ALOX5: variants seen among roughly 807,000 people sequenced by gnomAD.
ALOX5 encodes polyunsaturated fatty acid 5-lipoxygenase.
ALOX5 carries 64 observed loss-of-function variants against 87.9 expected under a neutral mutation model. The observed-to-expected ratio is 0.73, with a 90% CI of 0.60 to 0.90. ALOX5 has a LOEUF of 0.90. ALOX5 is among the 40% of genes least tolerant of loss of function. ALOX5 has a pLI of 0.00. For missense variants in ALOX5, 822 were observed against 907.5 expected (o/e 0.91, Z 1.21); for synonymous variants, 388 against 355.1 (o/e 1.09, Z -1.04).
intron 2 of ALOX5, among the ~76,000 whole-genome samples, chr10:45,385,575 A>G (rs527434798): frequency 1.3e-5 from 2 of 152,242 alleles, no homozygotes; most frequent in Non-Finnish European, 2.9e-5. Flanking sequence ...GTGAAACTGA[A>G]GAGATCCAGC....
intron 1 of ALOX5, among the ~76,000 whole-genome samples, chr10:45,378,528 T>A (rs1839709146): frequency 6.6e-6 from 1 of 152,254 alleles, no homozygotes; most frequent in South Asian, 2.1e-4. Context: ...GAATTTAATG[T>A]GTCACAGCAA....
At chr10:45,439,376 G>C (rs1842152832) in intron 7 of ALOX5, among the ~76,000 whole-genome samples, 1 of 152,180 alleles carries the variant, frequency 6.6e-6, no homozygotes, top group South Asian at 2.1e-4. Context: ...AGTGACACTG[G>C]TCTTTCCCAG....
intron 4 of ALOX5, among the ~76,000 whole-genome samples, chr10:45,415,324 C>CT (rs1342930181): frequency 3.3e-5 from 5 of 152,122 alleles, no homozygotes; most frequent in African/African-American, 4.8e-5. Context: ...TCTCAGCAAA[C>CT]TATCGCAAGG....
intron 2 of ALOX5, among the ~76,000 whole-genome samples, chr10:45,391,955 C>G (rs1840289356): frequency 6.6e-6 from 1 of 151,680 alleles, no homozygotes; most frequent in South Asian, 2.1e-4. Flanking sequence ...AGGAGCGTCT[C>G]CGCCCGGCAG....
intron 1 of ALOX5, among the ~76,000 whole-genome samples, chr10:45,378,481 G>GTTGAT (rs1344018710): frequency 1.3e-5 from 2 of 152,190 alleles, no homozygotes; most frequent in South Asian, 2.1e-4. Flanking sequence ...GGTGTCCACT[G>GTTGAT]TTGATAGTGC....
intron 4 of ALOX5, among the ~76,000 whole-genome samples, chr10:45,416,011 A>T (rs1841278178): frequency 6.6e-6 from 1 of 152,030 alleles, no homozygotes; most frequent in Non-Finnish European, 1.5e-5. Context: ...CCAACCCCAC[A>T]CCCACAGATG....
At chr10:45,384,202 G>A (rs914920170) in intron 2 of ALOX5, among the ~76,000 whole-genome samples, 4 of 152,170 alleles carry the variant, frequency 2.6e-5, no homozygotes, top group African/African-American at 9.7e-5. Context: ...TCAGTAGAAA[G>A]GTTCTGGGGA....
At chr10:45,441,246 T>A (rs750926065) in intron 8 of ALOX5, 98 bp from the exon 9 acceptor site, 163 of 1,033,778 alleles carry the variant, frequency 1.6e-4, no homozygotes, top group Non-Finnish European at 2.3e-4. Context: ...CCCAGCATCA[T>A]CCTATAGGGC....
chr10:45,440,968 A>G (rs1225452447), intron 8 of ALOX5, among the ~76,000 whole-genome samples: 3 of 152,110 alleles, frequency 2.0e-5, no homozygotes, highest in African/African-American at 4.8e-5. Context: ...CGAATCCTAC[A>G]AGCATTGGCT....
At chr10:45,443,238 G>A in intron 10 of ALOX5, 22 bp downstream of exon 10, 6 of 1,607,544 alleles carry the variant, frequency 3.7e-6, no homozygotes, top group Non-Finnish European at 5.1e-6. Context: ...CGGGGCGGTG[G>A]TCCTGGGGGA....
At position 45,395,948 on chromosome 10, in the gene ALOX5, C is replaced by A; in HGVS notation, c.431+12C>A. 6.2e-7 allele frequency: 1 copy of A among 1,613,662 alleles called. No homozygotes were observed. The highest frequency in any genetic ancestry group is 1.1e-5 in the South Asian group (1 of 91,068). ...CAAAAACAATATCGGTGAGTTATGA[C>A]ATCAGATCGAGTGGCCACGGGGCCA... On this transcript the variant is annotated intron_variant, in intron 3 of 13. Transcript: ENST00000374391.
intron 3 of ALOX5, among the ~76,000 whole-genome samples, chr10:45,406,186 T>C (rs918120623): frequency 1.3e-5 from 2 of 152,174 alleles, no homozygotes; most frequent in Non-Finnish European, 2.9e-5. Flanking sequence ...GCCTTCCTTT[T>C]AGGGGTTTGA....
At chr10:45,395,627 C>A (rs1840471384) in intron 2 of ALOX5, among the ~76,000 whole-genome samples, 1 of 151,210 alleles carries the variant, frequency 6.6e-6, no homozygotes, top group Non-Finnish European at 1.5e-5. Flanking sequence ...AAAGAAAATT[C>A]ACTAATTAGG....
chr10:45,382,407 G>A, intron 1 of ALOX5, 76 bp from the exon 2 acceptor site: 2 of 1,525,640 alleles, frequency 1.3e-6, no homozygotes, highest in Non-Finnish European at 9.1e-7. Flanking sequence ...ATACCTTGGG[G>A]TGACAAATTC....
intron 4 of ALOX5, among the ~76,000 whole-genome samples, chr10:45,417,638 A>C (rs1467922943): frequency 6.6e-6 from 1 of 152,214 alleles, no homozygotes; most frequent in Non-Finnish European, 1.5e-5. Context: ...CGCTCTAAAA[A>C]GTAAATATAA....
At chr10:45,428,482 G>A (rs1841805731) in intron 6 of ALOX5, 136 bp from the exon 7 acceptor site, 2 of 1,110,378 alleles carry the variant, frequency 1.8e-6, no homozygotes, top group Admixed American at 2.3e-5. Flanking sequence ...AGTCAGAGGA[G>A]AGAAGTACAC....
chr10:45,402,298 A>G (rs1411793794), intron 3 of ALOX5, among the ~76,000 whole-genome samples: 25 of 152,050 alleles, frequency 1.6e-4, no homozygotes, highest in Admixed American at 1.6e-3. Context: ...CAAGAACACA[A>G]TTGCCCCACC....
At chr10:45,403,308 A>G (rs983644671) in intron 3 of ALOX5, among the ~76,000 whole-genome samples, 2 of 152,254 alleles carry the variant, frequency 1.3e-5, no homozygotes, top group African/African-American at 2.4e-5. Context: ...TAACATGGAC[A>G]AACCTCACTG....
At chr10:45,376,235 T>C (rs1353949746) in intron 1 of ALOX5, among the ~76,000 whole-genome samples, 1 of 150,554 alleles carries the variant, frequency 6.6e-6, no homozygotes, top group Non-Finnish European at 1.5e-5. Flanking sequence ...AATGACATTA[T>C]AATTAAACAC....
Sources: allele counts gnomAD v4.1 joint callset (sites outside exome capture counted in the v4.1 genomes callset), GRCh38; gene constraint gnomAD v4.1.1; transcripts MANE v1.5; gene names NCBI Gene and HGNC (gene_info 2026-07-23, HGNC 2026-07-21).